NR5A1: variants seen among roughly 807,000 people sequenced by gnomAD.
NR5A1 encodes steroidogenic factor 1.
Under a neutral mutation model 42.7 loss-of-function variants are expected in NR5A1, and 6 were observed. The observed-to-expected ratio is 0.14, with a 90% CI of 0.08 to 0.28. The LOEUF is 0.28. NR5A1 is among the 10% of genes least tolerant of loss of function. The pLI, the probability that NR5A1 is intolerant of heterozygous loss-of-function variation, is 1.00. For missense variants in NR5A1, 442 were observed against 626.4 expected (o/e 0.71, Z 3.14); for synonymous variants, 274 against 277.5 (o/e 0.99, Z 0.12).
rs1832149928 is a variant in NR5A1, at chr9:124,482,842, C to T, written c.1302G>A (p.Lys434=). 10 of 1,613,726 alleles carry T rather than the reference C, an allele frequency of 6.2e-6. No homozygotes were observed. Among genetic ancestry groups the T allele is most frequent in the Non-Finnish European group, 8.5e-6 (10 of 1,179,942 alleles). Residue 434 remains lysine, a synonymous_variant, in exon 7 of 7, where the codon AAG becomes AAA. Coordinates refer to ENST00000373588, the MANE Select transcript of NR5A1 (RefSeq NM_004959.5). ...VEVRALSMQA[K]EYLYHKHLGN... Reference sequence around the variant, plus strand: ...CCAGGTGCTTGTGGTACAGGTACTCCTTGGCCTGCATGCTCAGGGCCCGCA... The same window carrying T: ...CCAGGTGCTTGTGGTACAGGTACTCTTTGGCCTGCATGCTCAGGGCCCGCA...
Position 124,482,964 on chromosome 9 carries a change from G to T in NR5A1, c.1180C>A (p.Gln394Lys). The change falls in exon 7 of 7, where the codon CAG (glutamine) becomes AAG (lysine). Residue 394 changes from glutamine to lysine, a missense_variant. Transcript: ENST00000373588. ...LNNHILVKDA[Q>K]EKANAALLDY... ...AGCAGGGCGGCGTTGGCCTTCTCCT[G>T]AGCGTCTTTCACCAGGATGTGGTTA... The T allele has an allele frequency of 6.2e-7, 1 of 1,614,138 alleles. No homozygotes were observed. Among genetic ancestry groups the T allele is most frequent in the South Asian group, 1.1e-5 (1 of 91,070 alleles).
In NR5A1 at chr9:124,500,020, A is replaced by G; in HGVS notation, c.870+70T>C. 3 of 1,609,438 alleles carry G rather than the reference A, an allele frequency of 1.9e-6. No homozygotes were observed. Among genetic ancestry groups the G allele is most frequent in the Admixed American group, 1.7e-5 (1 of 60,028 alleles). ...GGAAGGATGGCCCTATCCAAAGGAC[A>G]GTCGGGCTAAGGCTTGGGCAGCCGG... is the stretch of plus-strand genomic sequence containing the variant. On this transcript the variant is annotated intron_variant, in intron 4 of 6. Transcript: ENST00000373588. The surrounding 1 kb of genome is among the most constrained non-coding windows in gnomAD (Gnocchi z 6.9).
chr9:124,500,244 T>C lies in NR5A1; in HGVS notation c.716A>G (p.Gln239Arg), dbSNP rs1832445920. 1.9e-6 allele frequency: 3 copies of C among 1,603,738 alleles called. No homozygotes were observed. The highest frequency in any genetic ancestry group is 2.6e-6 in the Non-Finnish European group (3 of 1,175,728). Residue 239 changes from glutamine (Q) to arginine (R), a missense_variant, in exon 4 of 7, where the codon CAG becomes CGG. Coordinates refer to ENST00000373588, the MANE Select transcript of NR5A1 (RefSeq NM_004959.5). The surrounding 1 kb of genome is among the most constrained non-coding windows in gnomAD (Gnocchi z 6.9). Reference protein sequence around the residue: ...QLLQLEPDEDQVRARILGCLQ... With the variant: ...QLLQLEPDEDRVRARILGCLQ... The stretch of plus-strand genomic sequence containing the variant: ...GCAGCCCAAGATGCGGGCCCGCACC[T>C]GGTCCTCATCCGGCTCCAGCTGCAG...
At chr9:124,491,250 C>T (rs201951602) in intron 5 of NR5A1, 22 bp from the exon 6 acceptor site, 516 of 1,580,022 alleles carry the variant, frequency 3.3e-4, no homozygotes, top group Non-Finnish European at 4.0e-4. Flanking sequence ...GGGCACGGGG[C>T]GGGGGACAGT....
rs374900251 is a variant in NR5A1, at chr9:124,500,180, C to T, written c.780G>A (p.Ala260=). 4.7e-5 allele frequency: 75 copies of T among 1,611,152 alleles called. No individual in the cohort carries two copies. Among genetic ancestry groups the T allele is most frequent in the Non-Finnish European group, 5.9e-5 (69 of 1,178,852 alleles). The part of the protein sequence containing the change: ...EPTKSRPDQP[A]AFGLLCRMAD... ...CCATTCTGCACAGGAGGCCGAAGGC[C>T]GCCGGCTGGTCGGGGCGGCTTTTGG... is the stretch of plus-strand genomic sequence containing the variant. The change falls in exon 4 of 7, where the codon GCG becomes GCA. Residue 260 remains alanine, a synonymous_variant. Coordinates refer to ENST00000373588, the MANE Select transcript of NR5A1 (RefSeq NM_004959.5). The surrounding 1 kb of genome is among the most constrained non-coding windows in gnomAD (Gnocchi z 6.9).
intron 5 of NR5A1, 70 bp from the exon 6 acceptor site, chr9:124,491,298 G>T: frequency 4.0e-6 from 5 of 1,248,238 alleles, no homozygotes; most frequent in Non-Finnish European, 5.6e-6. Context: ...TCTCTGATGG[G>T]GGATGCAGGG....
rs962072572 is a variant in NR5A1 at position 124,496,183 on chromosome 9, C to T, written c.871-3034G>A. On this transcript the variant is annotated intron_variant, in intron 4 of 6. Coordinates refer to ENST00000373588, the MANE Select transcript of NR5A1 (RefSeq NM_004959.5). This position sits in a 1 kb window ranked among gnomAD's most constrained non-coding sequence, Gnocchi z 5.0. ...AACACTCCCCACACAGATGAGAATGCGCACACACACACACACACACACACA... is the reference window on the plus strand; with the variant it reads ...AACACTCCCCACACAGATGAGAATGTGCACACACACACACACACACACACA... Among the ~76,000 whole-genome samples, 1 of 146,706 alleles carries T rather than the reference C, an allele frequency of 6.8e-6. No homozygotes were observed. Among genetic ancestry groups the T allele is most frequent in the African/African-American group, 2.7e-5 (1 of 36,508 alleles).
chr9:124,483,847 A>G (rs973500516), intron 6 of NR5A1, among the ~76,000 whole-genome samples: 26 of 152,092 alleles, frequency 1.7e-4, no homozygotes, highest in African/African-American at 6.0e-4. Flanking sequence ...AGTCTCCCCT[A>G]TGACCAACAG....
At chr9:124,491,017 A>ACCCCCCCCCCCCCC in intron 6 of NR5A1, 64 bp downstream of exon 6, 11 of 457,440 alleles carry the variant, frequency 2.4e-5, no homozygotes, top group South Asian at 7.0e-5. Flanking sequence ...CTCCAGCCTC[A>ACCCCCCCCCCCCCC]CCCACCCTCC....
Position 124,481,336 on chromosome 9 carries a change from G to T in NR5A1, c.*1422C>A, listed in dbSNP as rs535220494. ...CTGTGGGTCTCCGGCCTTGGCAGGG[G>T]CACATGTTTCAGGGGGCGGGGAGGG... On this transcript the variant is annotated 3_prime_UTR_variant, in exon 7 of 7. Transcript: ENST00000373588. 7.5e-5 allele frequency: 11 copies of T among 146,756 alleles called. No individual in the cohort carries two copies. Among genetic ancestry groups the T allele is most frequent in the African/African-American group, 2.3e-4 (9 of 38,800 alleles). The allele number at this position is 146,756 out of a possible 1,614,324, so 9.1% of individuals were successfully genotyped here. A position where few individuals can be genotyped will look rare whatever the true frequency, so the allele number is the denominator to read the frequency against.
intron 6 of NR5A1, among the ~76,000 whole-genome samples, chr9:124,487,612 C>A (rs984427250): frequency 6.6e-6 from 1 of 152,232 alleles, no homozygotes; most frequent in African/African-American, 2.4e-5. Context: ...GCGAAGGAGG[C>A]GCTGAGTGAG....
intron 6 of NR5A1, among the ~76,000 whole-genome samples, chr9:124,483,571 C>T (rs1384726446): frequency 6.6e-6 from 1 of 152,318 alleles, no homozygotes; most frequent in South Asian, 2.1e-4. Flanking sequence ...ACAATGGGAG[C>T]TGCTCTCACC....
intron 1 of NR5A1, among the ~76,000 whole-genome samples, chr9:124,504,728 C>G (rs1172594438): frequency 1.4e-5 from 2 of 147,004 alleles, no homozygotes; most frequent in Admixed American, 1.4e-4. Context: ...CGCGCGGAGC[C>G]CGCACCTCTC....
chr9:124,498,503 A>C lies in NR5A1; in HGVS notation c.870+1587T>G, dbSNP rs1028725193. Among the ~76,000 whole-genome samples the C allele has an allele frequency of 4.6e-5, 7 of 152,190 alleles. No individual in the cohort carries two copies. The highest frequency in any genetic ancestry group is 1.7e-4 in the African/African-American group (7 of 41,452). The stretch of plus-strand genomic sequence containing the variant: ...GGAGACTAGGAAGGCAGCCAGAGGA[A>C]GTGCCCTGCCCCTCAATCCAGGGTT... On this transcript the variant is annotated intron_variant, in intron 4 of 6. Coordinates refer to ENST00000373588, the MANE Select transcript of NR5A1 (RefSeq NM_004959.5). This position sits in a 1 kb window ranked among gnomAD's most constrained non-coding sequence, Gnocchi z 4.6.
chr9:124,493,379 C>T (rs1393920362), intron 4 of NR5A1, among the ~76,000 whole-genome samples: 2 of 152,180 alleles, frequency 1.3e-5, no homozygotes, highest in Non-Finnish European at 2.9e-5. Flanking sequence ...CCACCTCTGT[C>T]TTTTGTATGA....
At position 124,503,481 on chromosome 9, in the gene NR5A1, C is replaced by T; in HGVS notation, c.-15-71G>A. On this transcript the variant is annotated intron_variant, in intron 1 of 6. Coordinates refer to ENST00000373588, the MANE Select transcript of NR5A1 (RefSeq NM_004959.5). This position sits in a 1 kb window ranked among gnomAD's most constrained non-coding sequence, Gnocchi z 9.6. The stretch of plus-strand genomic sequence containing the variant: ...CCTGGGGTCCCCGCGGCCGCCGCCC[C>T]AGCCGCTGTCGCCGGCCCGTCGCGT... 7.7e-7 allele frequency: 1 copy of T among 1,293,396 alleles called. No individual in the cohort carries two copies. Among genetic ancestry groups the T allele is most frequent in the Non-Finnish European group, 1.1e-6 (1 of 942,838 alleles). The allele number at this position is 1,293,396 out of a possible 1,614,324, so 80.1% of individuals were successfully genotyped here.
Position 124,481,855 on chromosome 9 carries a change from G to C in NR5A1, c.*903C>G, listed in dbSNP as rs10120967. On this transcript the variant is annotated 3_prime_UTR_variant, in exon 7 of 7. Coordinates refer to ENST00000373588, the MANE Select transcript of NR5A1 (RefSeq NM_004959.5). ...GTAGGCGAGTGTCCGGGGAGAAACC[G>C]TCAGCTGTACTTAGTGGCAATCCCC... 6.6e-6 allele frequency: 1 copy of C among 152,094 alleles called. No homozygotes were observed. The highest frequency in any genetic ancestry group is 1.5e-5 in the Non-Finnish European group (1 of 68,028). The allele number at this position is 152,094 out of a possible 1,614,324, so 9.4% of individuals were successfully genotyped here. A position where few individuals can be genotyped will look rare whatever the true frequency, so the allele number is the denominator to read the frequency against.
intron 6 of NR5A1, among the ~76,000 whole-genome samples, 188 bp downstream of exon 6, chr9:124,490,893 A>G (rs1588617443): frequency 2.0e-5 from 3 of 152,326 alleles, no homozygotes; most frequent in African/African-American, 7.2e-5. Context: ...GCCCCCATTT[A>G]AGAGCCAGGC....
rs889536604 is a variant in NR5A1, at chr9:124,496,246, C to A, written c.871-3097G>T. Among the ~76,000 whole-genome samples the A allele has an allele frequency of 6.6e-6, 1 of 152,108 alleles. No homozygotes were observed. The highest frequency in any genetic ancestry group is 1.5e-5 in the Non-Finnish European group (1 of 68,012). ...TTAAAAGAAAACCACAGGGCCATAGCTGCCAGCCCCCCTGCATGAGAAAGC... is the reference window on the plus strand; with the variant it reads ...TTAAAAGAAAACCACAGGGCCATAGATGCCAGCCCCCCTGCATGAGAAAGC... On this transcript the variant is annotated intron_variant, in intron 4 of 6. Transcript: ENST00000373588. This position sits in a 1 kb window ranked among gnomAD's most constrained non-coding sequence, Gnocchi z 5.0.
Sources: gnomAD v4.1 joint callset for allele counts (sites outside exome capture counted in the v4.1 genomes callset) on GRCh38, gnomAD v4.1.1 for gene constraint, Gnocchi (gnomAD v3.1) non-coding constraint, MANE v1.5 for transcripts, NCBI Gene and HGNC (gene_info 2026-07-23, HGNC 2026-07-21) for gene names.